LRRC37A2: variants seen among roughly 807,000 people sequenced by gnomAD.
LRRC37A2 encodes the protein leucine-rich repeat-containing protein 37A2.
LRRC37A2 carries 9 observed loss-of-function variants against 68.8 expected under a neutral mutation model. The observed-to-expected ratio is 0.13, with a 90% CI of 0.08 to 0.23. LRRC37A2 has a LOEUF of 0.23. Among genes scored for constraint, LRRC37A2 ranks in the 10% least tolerant of loss-of-function variants. The pLI is 1.00. For synonymous variants in LRRC37A2, 63 were observed against 367.6 expected, an observed-to-expected ratio of 0.17 and a Z score of 9.48; for missense variants, 168 against 950.4, an observed-to-expected ratio of 0.18 and a Z score of 10.82.
chr17:46,911,056 G>T, the LRRC37A2 span, among the ~76,000 whole-genome samples: 3 of 152,340 alleles, frequency 2.0e-5, no homozygotes, highest in South Asian at 6.2e-4. Flanking sequence ...GAGGGAAATG[G>T]CCAGGAGCAC....
At chr17:46,541,457 G>A (rs1382104775) in intron 8 of LRRC37A2, among the ~76,000 whole-genome samples, 1 of 149,096 alleles carries the variant, frequency 6.7e-6, no homozygotes, top group Non-Finnish European at 1.5e-5. Flanking sequence ...TCGCCATGTT[G>A]GCCAGGGTGG....
the LRRC37A2 span, among the ~76,000 whole-genome samples, chr17:46,840,311 CTCCTGACCTCATG>C: frequency 6.6e-6 from 1 of 152,132 alleles, no homozygotes; most frequent in Non-Finnish European, 1.5e-5. Flanking sequence ...TGGTCTCGAT[CTCCTGACCTCATG>C]ATCCACCCGC....
At chr17:46,936,105 C>CA in the LRRC37A2 span, 2 of 985,952 alleles carry the variant, frequency 2.0e-6, no homozygotes, top group South Asian at 9.4e-5. Context: ...CTCCTGCTGA[C>CA]AGTTGCAGTG....
the LRRC37A2 span, among the ~76,000 whole-genome samples, chr17:46,889,751 C>T: frequency 1.3e-5 from 2 of 152,080 alleles, no homozygotes; most frequent in African/African-American, 2.4e-5. Flanking sequence ...AACTCCTAAG[C>T]GGGACCTTGG....
chr17:46,388,411 A>C, the LRRC37A2 span, among the ~76,000 whole-genome samples: 1 of 68,948 alleles, frequency 1.5e-5, no homozygotes, highest in East Asian at 2.6e-4. Context: ...AAAAAAAAAA[A>C]ATTAGCCGGG....
chr17:47,000,004 A>AAATAATAAAATAAAATAAAAT, the LRRC37A2 span, among the ~76,000 whole-genome samples: 6 of 10,462 alleles, frequency 5.7e-4, no homozygotes, highest in Admixed American at 2.5e-3. Context: ...ATCTCAAAAT[A>AAATAATAAAATAAAATAAAAT]AAATAAAATA....
chr17:46,406,273 C>T, the LRRC37A2 span, among the ~76,000 whole-genome samples: 1 of 11,066 alleles, frequency 9.0e-5, no homozygotes, highest in Non-Finnish European at 2.2e-4. Flanking sequence ...GTTGCCAGAT[C>T]TGTGTTTCCA....
intron 6 of LRRC37A2, among the ~76,000 whole-genome samples, chr17:46,531,441 ATTT>A (rs2053627523): frequency 1.1e-5 from 1 of 93,270 alleles, no homozygotes; most frequent in Non-Finnish European, 2.0e-5. Flanking sequence ...TTGAAGAAAT[ATTT>A]ATTCACATCC....
At chr17:46,983,803 C>G in the LRRC37A2 span, among the ~76,000 whole-genome samples, 1 of 152,212 alleles carries the variant, frequency 6.6e-6, no homozygotes, top group Non-Finnish European at 1.5e-5. Context: ...GTGGCTCTGG[C>G]TCAAGGTCTC....
the LRRC37A2 span, among the ~76,000 whole-genome samples, chr17:47,029,102 C>T: frequency 5.9e-5 from 9 of 151,960 alleles, no homozygotes; most frequent in Admixed American, 2.6e-4. Context: ...GGCTTGAACC[C>T]GGGAGGTGGA....
At chr17:46,936,844 T>A in the LRRC37A2 span, 1 of 984,712 alleles carries the variant, frequency 1.0e-6, no homozygotes, top group African/African-American at 1.7e-5. Context: ...TTGTAATTTC[T>A]CTGGCTGAGG....
At chr17:46,809,431 C>T in the LRRC37A2 span, among the ~76,000 whole-genome samples, 1 of 152,210 alleles carries the variant, frequency 6.6e-6, no homozygotes, top group Non-Finnish European at 1.5e-5. Context: ...GTCTTCCAGA[C>T]AGACCTGGGT....
chr17:47,031,268 C>T, the LRRC37A2 span, among the ~76,000 whole-genome samples: 1 of 148,372 alleles, frequency 6.7e-6, no homozygotes, highest in African/African-American at 2.5e-5. Context: ...ACAACCATAT[C>T]GAGGTTTTGC....
At chr17:46,657,973 T>TTA in the LRRC37A2 span, among the ~76,000 whole-genome samples, 1,850 of 46,590 alleles carry the variant, frequency 0.04, 359 homozygotes, top group East Asian at 0.25. Context: ...TTTATTTATT[T>TTA]TTTTTTTTTT....
chr17:46,858,641 C>G, the LRRC37A2 span, among the ~76,000 whole-genome samples: 1 of 152,136 alleles, frequency 6.6e-6, no homozygotes, highest in Non-Finnish European at 1.5e-5. Flanking sequence ...CATACAGCCC[C>G]TTCTCTCACC....
chr17:46,718,215 A>G, the LRRC37A2 span, among the ~76,000 whole-genome samples: 1 of 152,186 alleles, frequency 6.6e-6, no homozygotes, highest in African/African-American at 2.4e-5. Context: ...GTGAGTGCCA[A>G]AGGGCAGCCC....
the LRRC37A2 span, among the ~76,000 whole-genome samples, chr17:46,871,791 C>T: frequency 6.6e-6 from 1 of 152,206 alleles, no homozygotes; most frequent in Non-Finnish European, 1.5e-5. Context: ...GATGGGAATT[C>T]AGCTCCTTCA....
the LRRC37A2 span, among the ~76,000 whole-genome samples, chr17:46,389,124 G>C: frequency 1.4e-5 from 2 of 140,168 alleles, no homozygotes; most frequent in African/African-American, 5.3e-5. Context: ...GAACCCAGGA[G>C]GCGGAGATTG....
the LRRC37A2 span, chr17:46,756,049 C>A: frequency 1.9e-6 from 1 of 515,548 alleles, no homozygotes. Flanking sequence ...GCTGCGCTTA[C>A]CTTCCCATGC....
Sources: gnomAD v4.1 joint callset for allele counts (sites outside exome capture counted in the v4.1 genomes callset) on GRCh38, gnomAD v4.1.1 for gene constraint, MANE v1.5 for transcripts, NCBI Gene and HGNC (gene_info 2026-07-23, HGNC 2026-07-21) for gene names.